SF3B2: variants seen among roughly 807,000 people sequenced by gnomAD.
The protein encoded by SF3B2 is SAP 145.
SF3B2 carries 22 observed loss-of-function variants against 116.3 expected under a neutral mutation model. That is an observed-to-expected ratio of 0.19 (90% CI 0.14 to 0.27). The LOEUF is 0.27. SF3B2 is among the 10% of genes least tolerant of loss of function. The pLI, the probability that SF3B2 is intolerant of heterozygous loss-of-function variation, is 1.00. For synonymous variants in SF3B2, 406 were observed against 421.6 expected (o/e 0.96, Z 0.45); for missense variants, 767 against 1,151.4 (o/e 0.67, Z 4.83).
intron 16 of SF3B2, 31 bp from the exon 17 acceptor site, chr11:66,062,978 G>C (rs1355613065): frequency 4.1e-6 from 6 of 1,473,040 alleles, no homozygotes; most frequent in Non-Finnish European, 5.7e-6. Context: ...TGCAGCTAAG[G>C]AGTGAACTGA....
intron 9 of SF3B2, 136 bp from the exon 10 acceptor site, chr11:66,058,694 C>A: frequency 1.3e-6 from 1 of 753,828 alleles, no homozygotes; most frequent in Non-Finnish European, 2.2e-6. Context: ...CCCTTCGCAG[C>A]TACTTCATGA....
rs11554199 is a variant in SF3B2 at position 66,052,460 on chromosome 11, G to A, written c.76G>A (p.Ala26Thr). 3.7e-6 allele frequency: 6 copies of A among 1,613,596 alleles called. No individual in the cohort carries two copies. The highest frequency in any genetic ancestry group is 2.2e-5 in the East Asian group (1 of 44,880). The change falls in exon 1 of 22, where the codon GCC becomes ACC. Residue 26 changes from alanine to threonine, a missense_variant. Transcript: ENST00000322535. ...PPPPPPGHYG[A>T]WAAQELQAKL... Reference sequence around the variant, plus strand: ...GCCGCCACCTCCAGGCCACTATGGCGCCTGGGCTGCCCAGGAGCTTCAGGC... The same window carrying A: ...GCCGCCACCTCCAGGCCACTATGGCACCTGGGCTGCCCAGGAGCTTCAGGC...
rs544847305 is a variant in SF3B2 at position 66,058,771 on chromosome 11, T to A, written c.967-59T>A. 356 of 1,423,454 alleles carry A rather than the reference T, an allele frequency of 2.5e-4. 2 individuals carry two copies. In the East Asian group the frequency reaches 5.6e-3, roughly 22 times the overall value. The allele number at this position is 1,423,454 out of a possible 1,614,324, so 88.2% of individuals were successfully genotyped here. The stretch of plus-strand genomic sequence containing the variant: ...GAGAATGGGGGAGGAGTTTAGGGGT[T>A]GGGGTGCTGGCACAGTGCTTGGATT... On this transcript the variant is annotated intron_variant, in intron 9 of 21. Transcript: ENST00000322535.
chr11:66,062,121 A>G (rs999730857), intron 16 of SF3B2, 123 bp downstream of exon 16: 2 of 748,898 alleles, frequency 2.7e-6, no homozygotes, highest in Admixed American at 3.0e-5. Context: ...TATTTTATTG[A>G]CATAATATTT....
In SF3B2 at chr11:66,061,933, C is replaced by A; in HGVS notation, c.1912C>A (p.Arg638=). ...VPPPWLIAMQ[R]YGPPPSYPNL... ...TCCCCCATGGCTGATTGCCATGCAGCGATATGGACCACCCCCATCGTATCC... is the reference window on the plus strand; with the variant it reads ...TCCCCCATGGCTGATTGCCATGCAGAGATATGGACCACCCCCATCGTATCC... The change falls in exon 16 of 22, where the codon CGA becomes AGA. Residue 638 remains arginine, a synonymous_variant. Coordinates refer to ENST00000322535, the MANE Select transcript of SF3B2 (RefSeq NM_006842.3). 1 of 1,613,806 alleles carries A rather than the reference C, an allele frequency of 6.2e-7. No individual in the cohort carries two copies. The highest frequency in any genetic ancestry group is 8.5e-7 in the Non-Finnish European group (1 of 1,179,918).
intron 19 of SF3B2, chr11:66,064,569 T>A (rs1173185235): frequency 6.6e-6 from 1 of 152,254 alleles, no homozygotes; most frequent in Non-Finnish European, 1.5e-5. Context: ...TAAATAAGAA[T>A]CATGCATGAA....
In SF3B2 at chr11:66,055,518, T is replaced by C. The variant is rs968849270; in HGVS notation, c.499-17T>C. On this transcript the variant is annotated splice_polypyrimidine_tract_variant and intron_variant, in intron 4 of 21. Coordinates refer to ENST00000322535, the MANE Select transcript of SF3B2 (RefSeq NM_006842.3). ...GTTGGGTATTGGTGCTGGTATGAACTTGTTTTCTTTTTTAAGCAGGGAGAT... is the reference window on the plus strand; with the variant it reads ...GTTGGGTATTGGTGCTGGTATGAACCTGTTTTCTTTTTTAAGCAGGGAGAT... 5.6e-6 allele frequency: 9 copies of C among 1,614,100 alleles called. No homozygotes were observed. In the South Asian group the frequency reaches 9.9e-5, roughly 18 times the overall value.
rs1415242521 is a variant in SF3B2, at chr11:66,059,009, C to T, written c.1146C>T (p.Asn382=). Residue 382 remains asparagine, a synonymous_variant, in exon 10 of 22, where the codon AAC becomes AAT. Transcript: ENST00000322535. This position sits in a 1 kb window ranked among gnomAD's most constrained non-coding sequence, Gnocchi z 5.0. The stretch of plus-strand genomic sequence containing the variant: ...AAGAACCTGAAATTTACGAGCCCAA[C>T]TTTATCTTCTTTAAGAGGATCTTTG... ...VTEEPEIYEP[N]FIFFKRIFEA... 1 of 1,614,092 alleles carries T rather than the reference C, an allele frequency of 6.2e-7. No homozygotes were observed. The highest frequency in any genetic ancestry group is 8.5e-7 in the Non-Finnish European group (1 of 1,180,022).
chr11:66,060,319 T>C (rs1857079209), intron 13 of SF3B2, among the ~76,000 whole-genome samples: 1 of 152,236 alleles, frequency 6.6e-6, no homozygotes, highest in Non-Finnish European at 1.5e-5. Context: ...GTCTCTGCTT[T>C]CCAGAGAACT....
At chr11:66,062,476 T>TAAAAAAA (rs777175434) in intron 16 of SF3B2, among the ~76,000 whole-genome samples, 1 of 138,222 alleles carries the variant, frequency 7.2e-6, no homozygotes. Flanking sequence ...ACCTCTACTT[T>TAAAAAAA]AAAAAAAAAA....
chr11:66,067,857 A>C, intron 19 of SF3B2, 89 bp from the exon 20 acceptor site: 1 of 988,104 alleles, frequency 1.0e-6, no homozygotes, highest in Non-Finnish European at 1.6e-6. Flanking sequence ...CAAGGCGCTG[A>C]GTGGAGGTGC....
At chr11:66,053,154 A>G (rs1342497617) in intron 3 of SF3B2, 50 bp downstream of exon 3, 4 of 1,539,438 alleles carry the variant, frequency 2.6e-6, no homozygotes, top group Non-Finnish European at 1.8e-6. Context: ...ATCCTTTTGT[A>G]GTTCATGAGC....
intron 7 of SF3B2, 135 bp downstream of exon 7, chr11:66,057,510 T>C (rs1170821019): frequency 1.6e-6 from 1 of 632,392 alleles, no homozygotes; most frequent in Non-Finnish European, 2.9e-6. Flanking sequence ...GCCCTTCTTA[T>C]TTAAACTAAG....
At chr11:66,056,399 CAA>C (rs34575917) in intron 5 of SF3B2, among the ~76,000 whole-genome samples, 1 of 52,170 alleles carries the variant, frequency 1.9e-5, no homozygotes, top group Non-Finnish European at 3.6e-5. Context: ...GACTCTGTCT[CAA>C]AAAAAAAAAA....
At chr11:66,053,154 A>T (rs1342497617) in intron 3 of SF3B2, 50 bp downstream of exon 3, 1 of 1,539,436 alleles carries the variant, frequency 6.5e-7, no homozygotes, top group African/African-American at 1.4e-5. Flanking sequence ...ATCCTTTTGT[A>T]GTTCATGAGC....
rs774705685 is a variant in SF3B2 at position 66,059,760 on chromosome 11, C to G, written c.1402-22C>G. On this transcript the variant is annotated intron_variant, in intron 12 of 21. Coordinates refer to ENST00000322535, the MANE Select transcript of SF3B2 (RefSeq NM_006842.3). This position sits in a 1 kb window ranked among gnomAD's most constrained non-coding sequence, Gnocchi z 5.0. ...TGAGAAGTCGGGGCTCTCGAGAACA[C>G]GCATTACTATGTGTTTTCCAGCTGG... 4.3e-6 allele frequency: 7 copies of G among 1,613,130 alleles called. No homozygotes were observed. The highest frequency in any genetic ancestry group is 5.9e-6 in the Non-Finnish European group (7 of 1,179,132).
Position 66,059,784 on chromosome 11 carries a change from G to A in SF3B2, c.1404G>A (p.Leu468=). The A allele has an allele frequency of 6.2e-7, 1 of 1,614,186 alleles. No individual in the cohort carries two copies. The highest frequency in any genetic ancestry group is 1.1e-5 in the South Asian group (1 of 91,080). Residue 468 remains leucine, a splice_region_variant and synonymous_variant, in exon 13 of 22, where the codon CTG becomes CTA. Transcript: ENST00000322535. This position sits in a 1 kb window ranked among gnomAD's most constrained non-coding sequence, Gnocchi z 5.0. ...ACGCATTACTATGTGTTTTCCAGCT[G>A]GTGGCTCGGCCCGATGTCGTGGAGA... The part of the protein sequence containing the change: ...NRFTVAELKQ[L]VARPDVVEMH...
At chr11:66,064,847 G>A (rs1477209123) in intron 19 of SF3B2, 1 of 152,140 alleles carries the variant, frequency 6.6e-6, no homozygotes, top group Non-Finnish European at 1.5e-5. Context: ...TTCTTGTATT[G>A]TGGGTCTGCT....
intron 13 of SF3B2, 120 bp from the exon 14 acceptor site, chr11:66,060,462 G>T: frequency 8.4e-7 from 1 of 1,192,596 alleles, no homozygotes. Flanking sequence ...GAAGGATTTT[G>T]ATGACTTTCA....
Sources: allele counts gnomAD v4.1 joint callset (sites outside exome capture counted in the v4.1 genomes callset), GRCh38; gene constraint gnomAD v4.1.1; non-coding constraint Gnocchi (gnomAD v3.1); transcripts MANE v1.5; gene names NCBI Gene and HGNC (gene_info 2026-07-23, HGNC 2026-07-21).